The following PDLIM2 variants were observed in gnomAD, a reference collection of about 807,000 sequenced individuals.
The protein encoded by PDLIM2 is PDZ and LIM domain 2.
Under a neutral mutation model 54.1 loss-of-function variants are expected in PDLIM2, and 51 were observed. The observed-to-expected ratio is 0.94, with a 90% CI of 0.75 to 1.19. The LOEUF is 1.19. PDLIM2 is among the 50% of genes most tolerant of loss of function. PDLIM2 has a pLI of 0.00. For missense variants in PDLIM2, 912 were observed against 874.0 expected (o/e 1.04, Z -0.55); for synonymous variants, 398 against 385.6 (o/e 1.03, Z -0.38).
intron 6 of PDLIM2, among the ~76,000 whole-genome samples, chr8:22,586,277 G>C (rs1446598348): frequency 1.3e-5 from 2 of 152,216 alleles, no homozygotes; most frequent in African/African-American, 4.8e-5. Flanking sequence ...GACCCGCTGC[G>C]TGCCCACCCA....
chr8:22,582,578 ATTT>A (rs778664391), intron 3 of PDLIM2, among the ~76,000 whole-genome samples: 36 of 126,020 alleles, frequency 2.9e-4, no homozygotes, highest in African/African-American at 6.1e-4. Context: ...CAGTCTCTTA[ATTT>A]TTTTTTTTTT....
chr8:22,579,491 G>C (rs1800128566), exon 1 of PDLIM2: 1 of 1,509,984 alleles, frequency 6.6e-7, no homozygotes, highest in Non-Finnish European at 8.8e-7. Context: ...ACCTCCCCGC[G>C]GCGCCCGCAG....
Position 22,585,176 on chromosome 8 carries a change from T to G in PDLIM2, c.1211+14T>G, listed in dbSNP as rs746892683. ...CATCAGCCGCAGGTGAGTGTGCCTG[T>G]GAGTGGGTACCCTGGTCGCCTGCGC... On this transcript the variant is annotated intron_variant, in intron 5 of 9. Transcript: ENST00000308354. 8 of 1,612,534 alleles carry G rather than the reference T, an allele frequency of 5.0e-6. No homozygotes were observed. The highest frequency in any genetic ancestry group is 5.1e-6 in the Non-Finnish European group (6 of 1,179,586).
At position 22,580,413 on chromosome 8, in the gene PDLIM2, TG is replaced by T. The variant is rs559778511; in HGVS notation, c.749-184del. On this transcript the variant is annotated intron_variant, in intron 1 of 9. Coordinates refer to ENST00000308354, the Ensembl canonical transcript of PDLIM2. ...AACCCAGAAGCATGGCTTCCCAGGG[TG>T]GGGGGAAGTGAAACCGGGCTGAGGG... 314 of 1,353,558 alleles carry T rather than the reference TG, an allele frequency of 2.3e-4. 1 individual carries two copies. In the South Asian group the frequency reaches 4.2e-3, roughly 18 times the overall value. 83.8% of individuals were successfully genotyped at this position (1,353,558 alleles called of 1,614,324 possible).
Position 22,580,458 on chromosome 8 carries a change from T to G in PDLIM2, c.749-145T>G. 6.6e-7 allele frequency: 1 copy of G among 1,512,388 alleles called. No homozygotes were observed. The highest frequency in any genetic ancestry group is 8.8e-7 in the Non-Finnish European group (1 of 1,131,676). The allele number at this position is 1,512,388 out of a possible 1,614,324, so 93.7% of individuals were successfully genotyped here. A position where few individuals can be genotyped will look rare whatever the true frequency, so the allele number is the denominator to read the frequency against. On this transcript the variant is annotated intron_variant, in intron 1 of 9. Transcript: ENST00000308354. ...CTGAGGGAGGGAGTTAGCCACTTCC[T>G]CTACCCACCCCAAAGCCCCTGAGTA...
intron 9 of PDLIM2, 189 bp downstream of exon 8, chr8:22,591,857 C>T (rs1156873963): frequency 7.6e-6 from 4 of 524,286 alleles, no homozygotes; most frequent in Non-Finnish European, 1.3e-5. Flanking sequence ...GGAGCCTAGG[C>T]TAGCTGCTTC....
At chr8:22,579,520 G>A (rs1465845222) in exon 1 of PDLIM2, 13 of 1,490,844 alleles carry the variant, frequency 8.7e-6, no homozygotes, top group Non-Finnish European at 9.8e-6. Flanking sequence ...CCACTGACCG[G>A]CTCAAAGGTC....
chr8:22,590,399 G>C (rs986757930), intron 8 of PDLIM2: 6 of 152,628 alleles, frequency 3.9e-5, no homozygotes, highest in Admixed American at 3.9e-4. Flanking sequence ...GATGTGTGCA[G>C]AGTTTGGGGA....
chr8:22,590,239 T>C (rs1457949056), intron 8 of PDLIM2: 1 of 159,576 alleles, frequency 6.3e-6, no homozygotes, highest in East Asian at 1.9e-4. Context: ...GCCCCTGCAG[T>C]GAGGGCCCTC....
At chr8:22,591,874 C>T (rs918266914) in intron 9 of PDLIM2, 16 of 496,144 alleles carry the variant, frequency 3.2e-5, no homozygotes, top group Non-Finnish European at 5.3e-5. Context: ...CTTCCGGCTG[C>T]ATCTCCTCTC....
At chr8:22,584,170 A>ATT (rs573417233) in intron 3 of PDLIM2, among the ~76,000 whole-genome samples, 61 of 139,600 alleles carry the variant, frequency 4.4e-4, no homozygotes, top group Non-Finnish European at 6.9e-4. Flanking sequence ...GCTTGGCTAA[A>ATT]TTTTTTTTTT....
chr8:22,589,195 G>A (rs1563870979), intron 6 of PDLIM2, 103 bp from the exon 6 acceptor site: 1 of 1,285,476 alleles, frequency 7.8e-7, no homozygotes, highest in Non-Finnish European at 1.1e-6. Flanking sequence ...GAGGGCCGGG[G>A]GCCCCCTGGT....
chr8:22,580,884 G>C (rs1379384055), intron 2 of PDLIM2, 187 bp downstream of exon 1: 2 of 743,996 alleles, frequency 2.7e-6, no homozygotes, highest in Non-Finnish European at 4.8e-6. Flanking sequence ...TTCAGGAACA[G>C]ACCTTGGGAG....
chr8:22,591,281 G>A (rs888128073), intron 8 of PDLIM2: 1 of 538,520 alleles, frequency 1.9e-6, no homozygotes, highest in African/African-American at 1.9e-5. Flanking sequence ...ATTAGAGAGG[G>A]AGCACCTGCT....
exon 1 of PDLIM2, chr8:22,579,314 C>T: frequency 1.4e-6 from 2 of 1,424,852 alleles, no homozygotes; most frequent in Non-Finnish European, 1.8e-6. Flanking sequence ...GAACCCTGGC[C>T]TCGTCCGCGG....
chr8:22,583,331 G>A lies in PDLIM2; in HGVS notation c.996-1490G>A, dbSNP rs139543288. ...CTGAGAAAGGGATCAGGAGTGACGC[G>A]CTCAAAGGCACCCTGGCCTCCAGTG... On this transcript the variant is annotated intron_variant, in intron 3 of 9. Coordinates refer to ENST00000308354, the Ensembl canonical transcript of PDLIM2. Among the ~76,000 whole-genome samples, 518 of 152,210 alleles carry A rather than the reference G, an allele frequency of 3.4e-3. 3 individuals carry two copies. Among genetic ancestry groups the A allele is most frequent in the Admixed American group, 5.8e-3 (88 of 15,296 alleles).
chr8:22,592,571 T>G (rs1406598917), intron 9 of PDLIM2: 1 of 152,140 alleles, frequency 6.6e-6, no homozygotes, highest in African/African-American at 2.4e-5. Context: ...GAATATCCAG[T>G]CCCCCTGCTG....
At chr8:22,579,788 A>C in intron 1 of PDLIM2, 3 of 407,486 alleles carry the variant, frequency 7.4e-6, no homozygotes, top group East Asian at 3.8e-5. Flanking sequence ...GGCTCAGGAA[A>C]TCCCACAGGG....
downstream of PDLIM2, chr8:22,596,644 CAGATT>C (rs1292497374): frequency 6.6e-6 from 1 of 152,208 alleles, no homozygotes; most frequent in Non-Finnish European, 1.5e-5. Context: ...ACTGAAGTGA[CAGATT>C]AGAGTTAGAA....
Sources: gnomAD v4.1 joint callset for allele counts (sites outside exome capture counted in the v4.1 genomes callset) on GRCh38, gnomAD v4.1.1 for gene constraint, MANE v1.5 for transcripts, NCBI Gene and HGNC (gene_info 2026-07-23, HGNC 2026-07-21) for gene names.